TOGARAM1: variants seen among roughly 807,000 people sequenced by gnomAD.
TOGARAM1 encodes the protein TOG array regulator of axonemal microtubules 1, also known as TOG array regulator of axonemal microtubules protein 1.
In TOGARAM1, 100 loss-of-function variants were observed where a neutral mutation model predicts 166.6. That is an observed-to-expected ratio of 0.60 (90% CI 0.51 to 0.71). The LOEUF (loss-of-function observed/expected upper bound fraction) is 0.71. Among genes scored for constraint, TOGARAM1 ranks in the 30% least tolerant of loss-of-function variants. The probability of loss-of-function intolerance (pLI) is 0.00; values close to 1 mark genes in which losing one functional copy is unlikely to be tolerated. For synonymous variants in TOGARAM1, 758 were observed against 763.8 expected, an observed-to-expected ratio of 0.99 and a Z score of 0.13; for missense variants, 2,029 against 2,102.7, an observed-to-expected ratio of 0.96 and a Z score of 0.69.
intron 5 of TOGARAM1, among the ~76,000 whole-genome samples, chr14:45,008,643 T>C (rs945778088): frequency 1.3e-5 from 2 of 152,162 alleles, no homozygotes; most frequent in African/African-American, 2.4e-5. Context: ...TATTTAGTCA[T>C]TGTGCCCAGT....
At chr14:45,023,813 T>A (rs1880668755) in intron 7 of TOGARAM1, among the ~76,000 whole-genome samples, 1 of 152,186 alleles carries the variant, frequency 6.6e-6, no homozygotes, top group Admixed American at 6.5e-5. Flanking sequence ...CAATCTCGGC[T>A]GACTGCAACC....
At chr14:45,071,915 A>G (rs1356459521) in intron 19 of TOGARAM1, 117 bp downstream of exon 19, 5 of 690,708 alleles carry the variant, frequency 7.2e-6, no homozygotes, top group Non-Finnish European at 1.2e-5. Flanking sequence ...CAAAGTAGAA[A>G]TAAATTGTGT....
intron 16 of TOGARAM1, among the ~76,000 whole-genome samples, chr14:45,057,218 T>A (rs568333607): frequency 3.9e-5 from 6 of 152,170 alleles, no homozygotes; most frequent in Non-Finnish European, 8.8e-5. Flanking sequence ...TTTATTTGGA[T>A]CTTCTGTCTT....
Position 44,964,325 on chromosome 14 carries a change from A to C in TOGARAM1, c.1904A>C (p.His635Pro). The C allele has an allele frequency of 6.2e-7, 1 of 1,614,220 alleles. No individual in the cohort carries two copies. ...GGTGACCACGTGAGGGATAGCATGC[A>C]CATTTATGGATCTTACAGCCCAACT... Reference protein sequence around the residue: ...HCGDHVRDSMHIYGSYSPTIC... With the variant: ...HCGDHVRDSMPIYGSYSPTIC... Residue 635 changes from histidine (H) to proline (P), a missense_variant, in exon 1 of 20, where the codon CAC becomes CCC. By Grantham distance (77) the His-to-Pro change is moderately conservative. Coordinates refer to ENST00000361462, the MANE Select transcript of TOGARAM1 (RefSeq NM_001308120.2).
intron 10 of TOGARAM1, 78 bp from the exon 11 acceptor site, chr14:45,032,145 G>GTAGTA: frequency 7.6e-7 from 1 of 1,313,660 alleles, no homozygotes; most frequent in African/African-American, 1.5e-5. Context: ...GGGCAACACA[G>GTAGTA]CGAGACTCCA....
At chr14:45,060,515 C>T (rs563423837) in intron 16 of TOGARAM1, among the ~76,000 whole-genome samples, 7 of 152,220 alleles carry the variant, frequency 4.6e-5, no homozygotes, top group African/African-American at 1.2e-4. Flanking sequence ...CACACCCAGC[C>T]AGAAATGCAA....
In TOGARAM1 at chr14:45,068,589, C is replaced by T. The variant is rs778411744; in HGVS notation, c.4915C>T (p.Pro1639Ser). The part of the protein sequence containing the change: ...IVDNNLNSKN[P>S]GIYAAATNVV... ...GGATAACAATCTGAATTCCAAGAAT[C>T]CAGGCATCTATGCGGCTGCTACAAA... is the stretch of plus-strand genomic sequence containing the variant. Residue 1639 changes from proline (P) to serine (S), a missense_variant, in exon 18 of 20, where the codon CCA becomes TCA. Physicochemically the swap from Pro to Ser is moderately conservative, Grantham distance 74. This residue lies in a region of TOGARAM1 where 576 missense variants were observed against 670.5 expected (regional missense o/e 0.86). Transcript: ENST00000361462. The T allele has an allele frequency of 8.7e-6, 14 of 1,613,208 alleles. No individual in the cohort carries two copies. The South Asian group carries it at 1.5e-4, about 18-fold the overall frequency.
chr14:44,985,258 C>T (rs966789125), intron 1 of TOGARAM1, among the ~76,000 whole-genome samples: 3 of 152,148 alleles, frequency 2.0e-5, no homozygotes, highest in Admixed American at 6.5e-5. Context: ...GTGAACCGCC[C>T]GTCTCGGCCT....
chr14:45,055,390 T>G (rs1882579255), intron 16 of TOGARAM1, among the ~76,000 whole-genome samples: 1 of 152,232 alleles, frequency 6.6e-6, no homozygotes, highest in Non-Finnish European at 1.5e-5. Flanking sequence ...TTCTCTATTC[T>G]GTTCCATTAA....
intron 4 of TOGARAM1, among the ~76,000 whole-genome samples, chr14:45,005,425 G>A (rs981967984): frequency 1.3e-5 from 2 of 151,996 alleles, no homozygotes; most frequent in African/African-American, 4.8e-5. Context: ...GACCAGCCTG[G>A]CCAGTATGGT....
chr14:45,064,693 T>C (rs1287635494), intron 16 of TOGARAM1, among the ~76,000 whole-genome samples: 1 of 152,168 alleles, frequency 6.6e-6, no homozygotes, highest in Non-Finnish European at 1.5e-5. Flanking sequence ...GTTGCCCAGG[T>C]TGGAGTCTTG....
intron 11 of TOGARAM1, among the ~76,000 whole-genome samples, chr14:45,037,135 G>A (rs1223491232): frequency 6.6e-6 from 1 of 152,154 alleles, no homozygotes; most frequent in Non-Finnish European, 1.5e-5. Context: ...CTAGCTGTCA[G>A]CCAGGGACCC....
At position 45,009,056 on chromosome 14, in the gene TOGARAM1, A is replaced by G. The variant is rs1450397077; in HGVS notation, c.3048A>G (p.Pro1016=). 1 of 1,614,068 alleles carries G rather than the reference A, an allele frequency of 6.2e-7. No homozygotes were observed. The highest frequency in any genetic ancestry group is 8.5e-7 in the Non-Finnish European group (1 of 1,179,964). The change falls in exon 6 of 20, where the codon CCA becomes CCG. Residue 1016 remains proline, a synonymous_variant. Coordinates refer to ENST00000361462, the MANE Select transcript of TOGARAM1 (RefSeq NM_001308120.2). ...TMDSPSLSSS[P]NINSYSESGV... ...ACTCCCCGTCTCTGTCTTCCTCACC[A>G]AACATCAATTCTTACAGTGAAAGTG...
chr14:45,060,110 G>A (rs1253902581), intron 16 of TOGARAM1, among the ~76,000 whole-genome samples: 1 of 151,162 alleles, frequency 6.6e-6, no homozygotes, highest in Non-Finnish European at 1.5e-5. Flanking sequence ...AGTAGAGATG[G>A]GGTTTCACCG....
intron 11 of TOGARAM1, among the ~76,000 whole-genome samples, chr14:45,036,399 C>T (rs1881440649): frequency 6.6e-6 from 1 of 152,144 alleles, no homozygotes; most frequent in East Asian, 1.9e-4. Context: ...CAAGACCCAA[C>T]TATATGCTAC....
intron 7 of TOGARAM1, among the ~76,000 whole-genome samples, chr14:45,014,930 T>C (rs1880026496): frequency 6.6e-6 from 1 of 152,236 alleles, no homozygotes; most frequent in Non-Finnish European, 1.5e-5. Flanking sequence ...CCCTTTATTC[T>C]ACAGTCCTTT....
chr14:45,009,751 T>C (rs1045591500), intron 6 of TOGARAM1, among the ~76,000 whole-genome samples: 2 of 152,232 alleles, frequency 1.3e-5, no homozygotes, highest in African/African-American at 2.4e-5. Flanking sequence ...TTCTGTAACC[T>C]CTACGTCTTA....
rs769443390 is a variant in TOGARAM1, at chr14:45,004,366, G to C, written c.2644G>C (p.Gly882Arg). The C allele has an allele frequency of 1.5e-5, 24 of 1,610,718 alleles. No homozygotes were observed. The highest frequency in any genetic ancestry group is 1.1e-4 in the African/African-American group (8 of 74,576). ...GTCTGATCCTACGGGTAGAAATCAT[G>C]GTAAAAGTCAATACTTTGTTCAAAT... The part of the protein sequence containing the change: ...KSSDPTGRNH[G>R]ENSQEKPPVQ... The change falls in exon 4 of 20, where the codon GGA becomes CGA. Residue 882 changes from glycine to arginine, a missense_variant and splice_region_variant. By Grantham distance (125) the Gly-to-Arg change is moderately radical. Coordinates refer to ENST00000361462, the MANE Select transcript of TOGARAM1 (RefSeq NM_001308120.2).
chr14:45,043,927 C>T lies in TOGARAM1; in HGVS notation c.3918+136C>T, dbSNP rs1289026710. ...AAGGCTTGTATTTAATTAAAGTAGT[C>T]CATGTCTTAATTTGCAACATTAAGA... is the stretch of plus-strand genomic sequence containing the variant. On this transcript the variant is annotated intron_variant, in intron 12 of 19. Coordinates refer to ENST00000361462, the MANE Select transcript of TOGARAM1 (RefSeq NM_001308120.2). 12 of 571,782 alleles carry T rather than the reference C, an allele frequency of 2.1e-5. 1 individual carries two copies. Among genetic ancestry groups the T allele is most frequent in the East Asian group, 1.8e-4 (6 of 34,272 alleles). 35.4% of individuals were successfully genotyped at this position (571,782 alleles called of 1,614,324 possible). A position where few individuals can be genotyped will look rare whatever the true frequency, so the allele number is the denominator to read the frequency against.
Sources: gnomAD v4.1 joint callset for allele counts (sites outside exome capture counted in the v4.1 genomes callset) on GRCh38, gnomAD v4.1.1 for gene constraint, gnomAD v4.1.1 regional missense constraint, MANE v1.5 for transcripts, NCBI Gene and HGNC (gene_info 2026-07-23, HGNC 2026-07-21) for gene names.